The following FCSK variants were observed in gnomAD, a reference collection of about 807,000 sequenced individuals.
The protein encoded by FCSK is L-fucose kinase.
A neutral mutation model predicts 122.5 loss-of-function variants in FCSK; 123 were observed. That is an observed-to-expected ratio of 1.00 (90% CI 0.87 to 1.17). The LOEUF is 1.17. FCSK is among the 50% of genes most tolerant of loss of function. The pLI is 0.00. For synonymous variants in FCSK, 620 were observed against 625.5 expected (o/e 0.99, Z 0.13); for missense variants, 1,366 against 1,450.4 (o/e 0.94, Z 0.95).
intron 1 of FCSK, chr16:70,462,386 TAC>T (rs749822291): frequency 6.6e-6 from 1 of 151,846 alleles, no homozygotes; most frequent in Non-Finnish European, 1.5e-5. Flanking sequence ...AGTGCAGTGA[TAC>T]AGTCATAGCC....
At chr16:70,454,777 G>A (rs1211791478) in intron 1 of FCSK, 147 bp downstream of exon 1, 1 of 152,166 alleles carries the variant, frequency 6.6e-6, no homozygotes, top group Non-Finnish European at 1.5e-5. Flanking sequence ...GAGTCCCCGG[G>A]AGCTCTGCGG....
intron 1 of FCSK, among the ~76,000 whole-genome samples, chr16:70,462,955 A>C (rs2048313836): frequency 6.6e-6 from 1 of 152,020 alleles, no homozygotes; most frequent in Non-Finnish European, 1.5e-5. Context: ...GACATTTTCT[A>C]AGTTGATGAA....
Position 70,467,254 on chromosome 16 carries a change from C to A in FCSK, c.485-120C>A, listed in dbSNP as rs1231514727. On this transcript the variant is annotated intron_variant, in intron 6 of 23. Coordinates refer to ENST00000288078, the MANE Select transcript of FCSK (RefSeq NM_145059.3). Reference sequence around the variant, plus strand: ...GCGAATGTCCATTTGGCTTGGAAACCGTATTTCCCTTTTAGAGGTGCCCAG... The same window carrying A: ...GCGAATGTCCATTTGGCTTGGAAACAGTATTTCCCTTTTAGAGGTGCCCAG... The A allele has an allele frequency of 5.9e-5, 40 of 683,146 alleles. 1 individual carries two copies. The South Asian group carries it at 7.0e-4, about 12-fold the overall frequency. The allele number at this position is 683,146 out of a possible 1,614,324, so 42.3% of individuals were successfully genotyped here. A position where few individuals can be genotyped will look rare whatever the true frequency, so the allele number is the denominator to read the frequency against.
At chr16:70,479,428 A>G (rs772023730) in intron 23 of FCSK, 25 bp downstream of exon 23, 1 of 1,596,794 alleles carries the variant, frequency 6.3e-7, no homozygotes, top group East Asian at 2.2e-5. Context: ...GGGGTTGGTA[A>G]AGAGACCTCT....
intron 1 of FCSK, among the ~76,000 whole-genome samples, chr16:70,462,754 C>T (rs970813392): frequency 1.3e-5 from 2 of 152,158 alleles, no homozygotes. Context: ...AAGCGATTCT[C>T]CTGCTTCAGC....
chr16:70,477,826 G>T, intron 20 of FCSK: 1 of 169,658 alleles, frequency 5.9e-6, no homozygotes, highest in Non-Finnish European at 1.3e-5. Context: ...GGATTACAGG[G>T]CATGCACCAC....
intron 11 of FCSK, 83 bp from the exon 12 acceptor site, chr16:70,470,887 GC>G (rs1361983243): frequency 5.4e-5 from 67 of 1,241,344 alleles, no homozygotes; most frequent in Non-Finnish European, 7.2e-5. Flanking sequence ...TGGACGCTTT[GC>G]CCCTGGATGC....
Position 70,478,264 on chromosome 16 carries a change from G to A in FCSK, c.2642-8G>A, listed in dbSNP as rs753041246. ...AGACTCCAACAGTGACAGTCCCTGGGCTCACAGGAGGTGGCTGGCAGGACC... is the reference window on the plus strand; with the variant it reads ...AGACTCCAACAGTGACAGTCCCTGGACTCACAGGAGGTGGCTGGCAGGACC... On this transcript the variant is annotated splice_polypyrimidine_tract_variant and splice_region_variant and intron_variant, in intron 20 of 23. Coordinates refer to ENST00000288078, the MANE Select transcript of FCSK (RefSeq NM_145059.3). 1 of 1,613,490 alleles carries A rather than the reference G, an allele frequency of 6.2e-7. No homozygotes were observed.
Position 70,479,813 on chromosome 16 carries a change from C to T in FCSK, c.*133C>T. 2 of 661,948 alleles carry T rather than the reference C, an allele frequency of 3.0e-6. No homozygotes were observed. 41.0% of individuals were successfully genotyped at this position (661,948 alleles called of 1,614,324 possible). On this transcript the variant is annotated 3_prime_UTR_variant, in exon 24 of 24. Transcript: ENST00000288078. ...TGCTCCCAAAGGAAGCTGACCAGAGCAAGATCTGGGCAAGCAGAGAGTGCC... is the reference window on the plus strand; with the variant it reads ...TGCTCCCAAAGGAAGCTGACCAGAGTAAGATCTGGGCAAGCAGAGAGTGCC...
chr16:70,475,748 G>C lies in FCSK; in HGVS notation c.2622G>C (p.Leu874=). Residue 874 remains leucine, a synonymous_variant, in exon 20 of 24, where the codon CTG becomes CTC. Transcript: ENST00000288078. ...CCCTGATCCACGCAGTGCTGCACCTGGAGCAGGTGCTCACCACTGGTATGT... is the reference window on the plus strand; with the variant it reads ...CCCTGATCCACGCAGTGCTGCACCTCGAGCAGGTGCTCACCACTGGTATGT... ...TEALIHAVLH[L]EQVLTTGGGW... is the part of the protein sequence containing the mutation. 3 of 1,591,810 alleles carry C rather than the reference G, an allele frequency of 1.9e-6. No homozygotes were observed.
intron 10 of FCSK, among the ~76,000 whole-genome samples, chr16:70,469,818 C>T (rs2048552747): frequency 6.6e-6 from 1 of 151,846 alleles, no homozygotes; most frequent in Admixed American, 6.6e-5. Context: ...CAGGCATGAG[C>T]CACCATGCCC....
At chr16:70,454,683 T>TGCGCCCCCTGCGCCCCCTGCGCCCCC (rs1555564909) in intron 1 of FCSK, 53 bp downstream of exon 1, 1 of 150,248 alleles carries the variant, frequency 6.7e-6, no homozygotes, top group African/African-American at 2.5e-5. Context: ...CTTGCGCCCC[T>TGCGCCCCCTGCGCCCCCTGCGCCCCC]TGCGCCCCCT....
Position 70,463,205 on chromosome 16 carries a change from G to A in FCSK, c.15G>A (p.Lys5=), listed in dbSNP as rs1490414845. 5 of 1,614,076 alleles carry A rather than the reference G, an allele frequency of 3.1e-6. No individual in the cohort carries two copies. The highest frequency in any genetic ancestry group is 4.2e-6 in the Non-Finnish European group (5 of 1,179,970). MEQP[K]GVDWTVIILT... is the part of the protein sequence containing the mutation. ...GCTTGGCCAGAATGGAGCAGCCGAA[G>A]GGAGTTGATTGGACAGTCATCATCC... The change falls in exon 2 of 24, where the codon AAG becomes AAA. Residue 5 remains lysine, a synonymous_variant. Transcript: ENST00000288078.
intron 1 of FCSK, chr16:70,458,000 G>A (rs576794920): frequency 3.3e-5 from 5 of 151,374 alleles, no homozygotes; most frequent in Non-Finnish European, 5.9e-5. Flanking sequence ...TGACTATAGC[G>A]TCTCCTGGCC....
intron 1 of FCSK, among the ~76,000 whole-genome samples, chr16:70,458,451 T>C (rs1168027955): frequency 6.6e-6 from 1 of 151,706 alleles, no homozygotes; most frequent in Non-Finnish European, 1.5e-5. Flanking sequence ...TGAGCCACCA[T>C]GCCCGGCCTA....
intron 1 of FCSK, among the ~76,000 whole-genome samples, chr16:70,460,811 A>G (rs2048241977): frequency 1.3e-5 from 2 of 152,230 alleles, no homozygotes; most frequent in Admixed American, 6.5e-5. Context: ...AGGTTCGTTC[A>G]AAGCGTGGCC....
chr16:70,466,782 G>A lies in FCSK; in HGVS notation c.412-100G>A, dbSNP rs994718939. On this transcript the variant is annotated intron_variant, in intron 5 of 23. Transcript: ENST00000288078. ...GGGTGGGGGCAGACCAGGTCTTGGA[G>A]GCCCTTGTTACTTCAACAGCACAGT... 4 of 1,022,254 alleles carry A rather than the reference G, an allele frequency of 3.9e-6. No homozygotes were observed. In the East Asian group the frequency reaches 9.7e-5, roughly 25 times the overall value. 63.3% of individuals were successfully genotyped at this position (1,022,254 alleles called of 1,614,324 possible).
chr16:70,455,595 T>TAAAA (rs1387849487), intron 1 of FCSK, among the ~76,000 whole-genome samples: 2 of 137,046 alleles, frequency 1.5e-5, no homozygotes, highest in Non-Finnish European at 3.2e-5. Context: ...AACTATTAAT[T>TAAAA]AAAAAAAAAA....
rs373425489 is a variant in FCSK, at chr16:70,463,709, G to C, written c.169G>C (p.Gly57Arg). 36 of 1,612,666 alleles carry C rather than the reference G, an allele frequency of 2.2e-5. No individual in the cohort carries two copies. The highest frequency in any genetic ancestry group is 3.1e-5 in the Non-Finnish European group (36 of 1,180,002). ...VEDPEKRVGS[G>R]GATLNALLVA... ...GGACCCAGAGAAGCGTGTGGGCAGC[G>C]GAGGAGCCACCCTCAACGCCCTGCT... Residue 57 changes from glycine (G) to arginine (R), a missense_variant, in exon 3 of 24, where the codon GGA becomes CGA. Transcript: ENST00000288078.
Sources: gnomAD v4.1 joint callset for allele counts (sites outside exome capture counted in the v4.1 genomes callset) on GRCh38, gnomAD v4.1.1 for gene constraint, MANE v1.5 for transcripts, NCBI Gene and HGNC (gene_info 2026-07-23, HGNC 2026-07-21) for gene names.